Variants in AOPEP observed in about 807,000 individuals in gnomAD.
The protein encoded by AOPEP is aminopeptidase O.
AOPEP carries 77 observed loss-of-function variants against 98.1 expected under a neutral mutation model. The ratio of observed to expected loss-of-function variants is 0.78; its 90% CI spans 0.65 to 0.95. The LOEUF (loss-of-function observed/expected upper bound fraction) is 0.95. Among genes scored for constraint, AOPEP ranks in the 40% least tolerant of loss-of-function variants. The probability of loss-of-function intolerance (pLI) is 0.00; values close to 1 mark genes in which losing one functional copy is unlikely to be tolerated. For synonymous variants in AOPEP, 346 were observed against 365.3 expected, an observed-to-expected ratio of 0.95 and a Z score of 0.60; for missense variants, 1,024 against 1,024.7, an observed-to-expected ratio of 1.00 and a Z score of 0.01.
At chr9:95,149,885 A>C in the AOPEP span, 1 of 1,564,240 alleles carries the variant, frequency 6.4e-7, no homozygotes, top group African/African-American at 1.3e-5. Flanking sequence ...AAGAAAAGGA[A>C]AAACGACGCA....
intron 3 of AOPEP, among the ~76,000 whole-genome samples, chr9:94,778,465 T>C (rs1221085165): frequency 1.3e-5 from 2 of 149,852 alleles, no homozygotes; most frequent in Admixed American, 6.7e-5. Context: ...AAATAGCTAG[T>C]GACACCTGCA....
chr9:94,755,403 T>A (rs1466500186), intron 1 of AOPEP, among the ~76,000 whole-genome samples: 1 of 152,198 alleles, frequency 6.6e-6, no homozygotes, highest in Admixed American at 6.5e-5. Context: ...TTGATGTCAG[T>A]GAGCGTTACG....
intron 11 of AOPEP, among the ~76,000 whole-genome samples, chr9:95,000,240 C>T (rs1413201888): frequency 6.6e-6 from 1 of 152,198 alleles, no homozygotes; most frequent in Non-Finnish European, 1.5e-5. Context: ...TCCAACTATT[C>T]CTGATGCTGA....
chr9:95,057,591 A>G (rs185828216), intron 13 of AOPEP, among the ~76,000 whole-genome samples: 1 of 152,376 alleles, frequency 6.6e-6, no homozygotes, highest in African/African-American at 2.4e-5. Flanking sequence ...TTTTGCTTCA[A>G]TATGCTCTTT....
intron 13 of AOPEP, among the ~76,000 whole-genome samples, chr9:95,031,283 G>A (rs1363591049): frequency 2.6e-5 from 4 of 152,274 alleles, no homozygotes; most frequent in Middle Eastern, 6.8e-3. Flanking sequence ...AAGTCAGTGC[G>A]TCGGTCTGTC....
chr9:95,004,720 G>T (rs1207067928), intron 11 of AOPEP, among the ~76,000 whole-genome samples: 6 of 145,978 alleles, frequency 4.1e-5, no homozygotes, highest in Non-Finnish European at 7.5e-5. Flanking sequence ...GAGGGGTGGC[G>T]GGGGCAAGGT....
At chr9:94,747,814 G>T (rs1173642540) in intron 1 of AOPEP, among the ~76,000 whole-genome samples, 1 of 152,144 alleles carries the variant, frequency 6.6e-6, no homozygotes, top group Non-Finnish European at 1.5e-5. Flanking sequence ...CAACATTTGA[G>T]GAAAAAACTG....
intron 5 of AOPEP, among the ~76,000 whole-genome samples, chr9:94,809,564 C>T (rs1011644838): frequency 3.3e-5 from 5 of 152,198 alleles, no homozygotes; most frequent in African/African-American, 1.2e-4. Context: ...ATGCGTCAGG[C>T]CCTGGGCAAG....
At chr9:94,796,278 A>G (rs111461328) in intron 4 of AOPEP, among the ~76,000 whole-genome samples, 32 of 152,256 alleles carry the variant, frequency 2.1e-4, no homozygotes, top group African/African-American at 7.0e-4. Context: ...CCCTTCCTTT[A>G]TCAATATGCT....
chr9:94,967,138 G>A (rs2059251671), intron 9 of AOPEP, among the ~76,000 whole-genome samples: 1 of 152,140 alleles, frequency 6.6e-6, no homozygotes, highest in South Asian at 2.1e-4. Context: ...ATGTGCGTGT[G>A]TGTATGTGTG....
At chr9:94,825,680 T>C (rs1588416868) in intron 5 of AOPEP, among the ~76,000 whole-genome samples, 1 of 152,208 alleles carries the variant, frequency 6.6e-6, no homozygotes, top group East Asian at 1.9e-4. Flanking sequence ...ATTGGAGAGT[T>C]AATAGGGTTC....
chr9:94,769,020 C>A (rs1840261376), intron 2 of AOPEP, among the ~76,000 whole-genome samples: 1 of 152,182 alleles, frequency 6.6e-6, no homozygotes, highest in South Asian at 2.1e-4. Context: ...TTCCTGCCTT[C>A]TGTGGAGGGG....
chr9:94,807,500 G>C (rs1470695902), intron 5 of AOPEP, among the ~76,000 whole-genome samples: 2 of 152,168 alleles, frequency 1.3e-5, no homozygotes, highest in African/African-American at 4.8e-5. Flanking sequence ...TGTCATCCTA[G>C]GTTCCTAATG....
At chr9:94,833,387 G>A (rs983731263) in intron 5 of AOPEP, among the ~76,000 whole-genome samples, 1 of 151,746 alleles carries the variant, frequency 6.6e-6, no homozygotes, top group Non-Finnish European at 1.5e-5. Context: ...ACAGGTGTGT[G>A]CCACCACACT....
intron 13 of AOPEP, among the ~76,000 whole-genome samples, chr9:95,060,122 C>G (rs1034767552): frequency 3.3e-5 from 5 of 152,224 alleles, no homozygotes; most frequent in African/African-American, 1.2e-4. Context: ...TATAGCTGCA[C>G]ATATAGTTGT....
chr9:95,044,806 G>A (rs1325690551), intron 13 of AOPEP, among the ~76,000 whole-genome samples: 1 of 152,130 alleles, frequency 6.6e-6, no homozygotes, highest in African/African-American at 2.4e-5. Flanking sequence ...AGGCAGGGCT[G>A]GTGTGCCCCT....
intron 3 of AOPEP, among the ~76,000 whole-genome samples, chr9:94,774,515 A>T (rs986694753): frequency 1.8e-4 from 28 of 152,214 alleles, no homozygotes; most frequent in African/African-American, 6.3e-4. Context: ...GATGGTGTTT[A>T]TTCTGCCTTT....
At chr9:94,812,916 T>A (rs1433106745) in intron 5 of AOPEP, among the ~76,000 whole-genome samples, 3 of 152,012 alleles carry the variant, frequency 2.0e-5, no homozygotes, top group Non-Finnish European at 2.9e-5. Context: ...ATTTAAAGCG[T>A]TTTATTGAGC....
chr9:94,883,787 T>C (rs558123347), intron 5 of AOPEP, among the ~76,000 whole-genome samples: 1 of 152,332 alleles, frequency 6.6e-6, no homozygotes, highest in African/African-American at 2.4e-5. Flanking sequence ...GCAGAGGATG[T>C]TAGTTTAAAA....
Sources: allele counts gnomAD v4.1 joint callset (sites outside exome capture counted in the v4.1 genomes callset), GRCh38; gene constraint gnomAD v4.1.1; transcripts MANE v1.5; gene names NCBI Gene and HGNC (gene_info 2026-07-23, HGNC 2026-07-21).